Variants in MDGA2 observed in about 807,000 individuals in gnomAD.
The protein encoded by MDGA2 is MAM domain containing glycosylphosphatidylinositol anchor 2, also known as MAM domain-containing glycosylphosphatidylinositol anchor protein 2.
In MDGA2, 40 loss-of-function variants were observed where a neutral mutation model predicts 117.8. The observed-to-expected ratio is 0.34, with a 90% confidence interval of 0.26 to 0.44. The LOEUF is 0.44. MDGA2 is among the 20% of genes least tolerant of loss of function. The pLI is 1.00. For synonymous variants in MDGA2, 452 were observed against 439.0 expected, an observed-to-expected ratio of 1.03 and a Z score of -0.37; for missense variants, 1,123 against 1,250.6, an observed-to-expected ratio of 0.90 and a Z score of 1.54.
In MDGA2 at chr14:47,180,818, G is replaced by A. The variant is rs372594782; in HGVS notation, c.596-36544C>T. Reference sequence around the variant, plus strand: ...CGCCTGTAGTCCCAGCAACTAGGGAGGATGAGGTAGGAGAATCGCTTGAAC... The same window carrying A: ...CGCCTGTAGTCCCAGCAACTAGGGAAGATGAGGTAGGAGAATCGCTTGAAC... On this transcript the variant is annotated intron_variant, in intron 3 of 16. Transcript: ENST00000399232. Among the ~76,000 whole-genome samples the A allele has an allele frequency of 4.6e-5, 7 of 152,260 alleles. No individual in the cohort carries two copies. In the South Asian group the frequency reaches 8.3e-4, roughly 18 times the overall value.
intron 1 of MDGA2, among the ~76,000 whole-genome samples, chr14:47,386,860 T>G (rs1012384783): frequency 6.6e-6 from 1 of 152,204 alleles, no homozygotes; most frequent in Admixed American, 6.5e-5. Flanking sequence ...TTACAAGTTG[T>G]GTCATCTTAG....
chr14:47,058,606 CT>C, intron 7 of MDGA2: 1 of 985,172 alleles, frequency 1.0e-6, no homozygotes, highest in Non-Finnish European at 1.2e-6. Context: ...GCACTTTAGT[CT>C]TCAATAGTAT....
chr14:47,208,089 T>G (rs991180120), intron 3 of MDGA2, among the ~76,000 whole-genome samples: 9 of 151,976 alleles, frequency 5.9e-5, no homozygotes, highest in Non-Finnish European at 1.5e-5. Context: ...TGTCTTAAAG[T>G]TGGAGGTAGA....
chr14:47,456,937 T>G (rs370068856), intron 1 of MDGA2, among the ~76,000 whole-genome samples: 44 of 152,000 alleles, frequency 2.9e-4, no homozygotes, highest in South Asian at 2.5e-3. Context: ...CTATGTAGAC[T>G]CTGGTCAGCA....
intron 3 of MDGA2, among the ~76,000 whole-genome samples, chr14:47,193,269 A>G (rs1232216900): frequency 1.3e-5 from 2 of 152,190 alleles, no homozygotes; most frequent in Admixed American, 6.5e-5. Flanking sequence ...TTGCCACTGA[A>G]TGTAGCATCT....
Position 47,120,160 on chromosome 14 carries a change from A to G in MDGA2, c.925+11554T>C, listed in dbSNP as rs543885188. On this transcript the variant is annotated intron_variant, in intron 5 of 16. Transcript: ENST00000399232. ...GCCAAATCAAAGAAAAGACTTTAAGAGTAGCTTCTTAAAGTAAAAACGTAA... is the reference window on the plus strand; with the variant it reads ...GCCAAATCAAAGAAAAGACTTTAAGGGTAGCTTCTTAAAGTAAAAACGTAA... 7.9e-5 allele frequency among the ~76,000 whole-genome samples: 12 copies of G among 152,326 alleles called. 1 individual carries two copies. Among genetic ancestry groups the G allele is most frequent in the African/African-American group, 2.9e-4 (12 of 41,574 alleles).
At chr14:47,266,428 T>C (rs1887967356) in intron 2 of MDGA2, among the ~76,000 whole-genome samples, 1 of 152,204 alleles carries the variant, frequency 6.6e-6, no homozygotes. Flanking sequence ...ATCTGACCAA[T>C]GTAACTACGA....
intron 5 of MDGA2, among the ~76,000 whole-genome samples, chr14:47,116,945 G>GAA (rs144122477): frequency 1.5e-4 from 23 of 148,788 alleles, no homozygotes; most frequent in Admixed American, 6.7e-4. Flanking sequence ...GTTCTGCACA[G>GAA]AAAAAAAAAT....
At chr14:46,862,764 A>G (rs1053435383) in intron 14 of MDGA2, among the ~76,000 whole-genome samples, 2 of 152,094 alleles carry the variant, frequency 1.3e-5, no homozygotes, top group Non-Finnish European at 2.9e-5. Context: ...GGCAAGATCT[A>G]TGTATATTGA....
chr14:47,335,092 G>A (rs952440320), intron 1 of MDGA2, among the ~76,000 whole-genome samples: 1 of 151,650 alleles, frequency 6.6e-6, no homozygotes, highest in African/African-American at 2.4e-5. Context: ...TTAATTTAAA[G>A]CTATTACTGA....
intron 8 of MDGA2, among the ~76,000 whole-genome samples, chr14:46,964,950 G>A (rs1238788736): frequency 4.1e-5 from 3 of 73,930 alleles, no homozygotes; most frequent in African/African-American, 1.4e-4. Context: ...TTGAGACAGA[G>A]TCTCGCTCTG....
chr14:46,988,872 G>A lies in MDGA2; in HGVS notation c.1820-31229C>T, dbSNP rs143358445. Among the ~76,000 whole-genome samples the A allele has an allele frequency of 7.6e-4, 116 of 151,906 alleles. 1 individual carries two copies. The highest frequency in any genetic ancestry group is 2.6e-3 in the African/African-American group (108 of 41,328). On this transcript the variant is annotated intron_variant, in intron 8 of 16. Transcript: ENST00000399232. The stretch of plus-strand genomic sequence containing the variant: ...TGACGCTTGGAAAATAGTAGCATGC[G>A]CAACAGAATCCCATGTGTTCTCAGA...
chr14:47,378,977 T>A lies in MDGA2; in HGVS notation c.281-77427A>T, dbSNP rs1291400828. Among the ~76,000 whole-genome samples, 9 of 152,142 alleles carry A rather than the reference T, an allele frequency of 5.9e-5. 1 individual carries two copies. In the East Asian group the frequency reaches 1.7e-3, roughly 29 times the overall value. On this transcript the variant is annotated intron_variant, in intron 1 of 16. Transcript: ENST00000399232. ...AAGGGCAGCCAGAGAGAAAGGTCGG[T>A]TACCCACAAAGGGAAGCCCATCAGA...
intron 1 of MDGA2, among the ~76,000 whole-genome samples, chr14:47,376,862 G>T (rs879812761): frequency 6.6e-6 from 1 of 152,076 alleles, no homozygotes; most frequent in Non-Finnish European, 1.5e-5. Context: ...GGTAGGAAAG[G>T]GGGGGCACAA....
chr14:46,864,546 T>G (rs888528547), intron 14 of MDGA2, among the ~76,000 whole-genome samples: 1 of 2,022 alleles, frequency 4.9e-4, no homozygotes, highest in Non-Finnish European at 8.9e-4. Flanking sequence ...GATATTGCTG[T>G]TTTTTTTTTT....
chr14:47,165,989 T>C (rs1330117203), intron 3 of MDGA2, among the ~76,000 whole-genome samples: 2 of 151,972 alleles, frequency 1.3e-5, no homozygotes, highest in East Asian at 3.9e-4. Flanking sequence ...TATACACCCT[T>C]TTCTGTGTTT....
chr14:47,367,464 T>C (rs750849322), intron 1 of MDGA2, among the ~76,000 whole-genome samples: 2 of 152,224 alleles, frequency 1.3e-5, no homozygotes, highest in Admixed American at 6.5e-5. Flanking sequence ...AATTTGTTTC[T>C]ATTTTCCTAT....
chr14:47,429,233 GACAA>G (rs1056805618), intron 1 of MDGA2, among the ~76,000 whole-genome samples: 15 of 150,846 alleles, frequency 9.9e-5, no homozygotes, highest in African/African-American at 2.7e-4. Flanking sequence ...AAAGACAAAA[GACAA>G]ACAAACCCCT....
intron 3 of MDGA2, among the ~76,000 whole-genome samples, chr14:47,154,767 A>G (rs1883302129): frequency 6.6e-6 from 1 of 152,186 alleles, no homozygotes; most frequent in Non-Finnish European, 1.5e-5. Flanking sequence ...ACCGGCCTGC[A>G]GGCACTCCCT....
Sources: gnomAD v4.1 joint callset for allele counts (sites outside exome capture counted in the v4.1 genomes callset) on GRCh38, gnomAD v4.1.1 for gene constraint, MANE v1.5 for transcripts, NCBI Gene and HGNC (gene_info 2026-07-23, HGNC 2026-07-21) for gene names.